Variants in CELF5 observed in about 807,000 individuals in gnomAD.
CELF5 encodes CUGBP Elav-like family member 5.
CELF5 carries 6 observed loss-of-function variants against 54.9 expected under a neutral mutation model. That is an observed-to-expected ratio of 0.11 (90% CI 0.06 to 0.22). The LOEUF is 0.22. Among genes scored for constraint, CELF5 ranks in the 10% least tolerant of loss-of-function variants. The probability of loss-of-function intolerance (pLI) is 1.00; values close to 1 mark genes in which losing one functional copy is unlikely to be tolerated. For missense variants in CELF5, 401 were observed against 678.6 expected (o/e 0.59, Z 4.54); for synonymous variants, 271 against 290.9 (o/e 0.93, Z 0.70).
chr19:3,263,334 G>A (rs1257862469), intron 2 of CELF5, among the ~76,000 whole-genome samples: 1 of 150,538 alleles, frequency 6.6e-6, no homozygotes, highest in Non-Finnish European at 1.5e-5. Context: ...AGGCAGAGGT[G>A]GGATTACCTA....
At position 3,268,455 on chromosome 19, in the gene CELF5, C is replaced by T. The variant is rs866923158; in HGVS notation, c.343-5417C>T. Among the ~76,000 whole-genome samples, 11 of 152,248 alleles carry T rather than the reference C, an allele frequency of 7.2e-5. No homozygotes were observed. Among genetic ancestry groups the T allele is most frequent in the Middle Eastern group, 6.8e-3 (2 of 294 alleles). ...GCACGTCAAGCTGCGAGACTCGGGG[C>T]GTCGTGTCATCTTTCTGGGCCTGTG... is the stretch of plus-strand genomic sequence containing the variant. On this transcript the variant is annotated intron_variant, in intron 2 of 12. Transcript: ENST00000292672. The surrounding 1 kb of genome is among the most constrained non-coding windows in gnomAD (Gnocchi z 4.4).
intron 2 of CELF5, among the ~76,000 whole-genome samples, chr19:3,258,249 C>T (rs892501771): frequency 1.3e-5 from 2 of 151,982 alleles, no homozygotes; most frequent in African/African-American, 4.8e-5. Flanking sequence ...TGAGCCACCA[C>T]GCCCAGCCCT....
chr19:3,241,350 G>T (rs972999361), intron 1 of CELF5, among the ~76,000 whole-genome samples: 1 of 151,382 alleles, frequency 6.6e-6, no homozygotes, highest in African/African-American at 2.4e-5. Flanking sequence ...CAAAGTGCTG[G>T]GATTACAGGT....
chr19:3,270,218 C>G (rs2079938052), intron 2 of CELF5, among the ~76,000 whole-genome samples: 2 of 152,128 alleles, frequency 1.3e-5, no homozygotes, highest in Non-Finnish European at 2.9e-5. Flanking sequence ...TCCTGGAGTT[C>G]CAAAATTGAA....
At chr19:3,257,980 GAC>G (rs1416839126) in intron 2 of CELF5, among the ~76,000 whole-genome samples, 1 of 136,356 alleles carries the variant, frequency 7.3e-6, no homozygotes, top group Non-Finnish European at 1.6e-5. Flanking sequence ...TTTTTTTTTT[GAC>G]AGAGTTTTGC....
intron 1 of CELF5, among the ~76,000 whole-genome samples, chr19:3,250,362 G>A (rs1005058482): frequency 1.3e-5 from 2 of 152,090 alleles, no homozygotes; most frequent in African/African-American, 2.4e-5. Context: ...GGTGGCGGGC[G>A]CCTGTAGTCC....
chr19:3,289,892 G>A (rs188846746), intron 10 of CELF5, among the ~76,000 whole-genome samples: 71 of 152,066 alleles, frequency 4.7e-4, no homozygotes, highest in African/African-American at 1.6e-3. Flanking sequence ...TCTGGAGGGT[G>A]GCCTTCCTCG....
chr19:3,252,253 C>G (rs565172972), intron 2 of CELF5, among the ~76,000 whole-genome samples: 1 of 151,010 alleles, frequency 6.6e-6, no homozygotes, highest in Admixed American at 6.6e-5. Context: ...CCGGGCTGAT[C>G]CTGAACTCCT....
chr19:3,246,442 G>A (rs1218613012), intron 1 of CELF5, among the ~76,000 whole-genome samples: 2 of 151,856 alleles, frequency 1.3e-5, no homozygotes, highest in Non-Finnish European at 2.9e-5. Context: ...AGTGGCTTAT[G>A]CCTATAATCC....
chr19:3,263,602 C>T (rs2079837528), intron 2 of CELF5, among the ~76,000 whole-genome samples: 1 of 150,926 alleles, frequency 6.6e-6, no homozygotes, highest in African/African-American at 2.4e-5. Flanking sequence ...ATTTCTTAAA[C>T]TATTTAAAAG....
At chr19:3,256,198 C>G (rs1231181494) in intron 2 of CELF5, among the ~76,000 whole-genome samples, 1 of 152,124 alleles carries the variant, frequency 6.6e-6, no homozygotes, top group African/African-American at 2.4e-5. Flanking sequence ...GGGTTCCCAC[C>G]CCTAAAGTAT....
At chr19:3,292,143 C>T (rs1241647349) in intron 11 of CELF5, among the ~76,000 whole-genome samples, 1 of 151,858 alleles carries the variant, frequency 6.6e-6, no homozygotes, top group African/African-American at 2.4e-5. Context: ...AATGGGGTTT[C>T]ACCATGTTGG....
At chr19:3,276,842 A>G (rs1327116393) in intron 4 of CELF5, among the ~76,000 whole-genome samples, 3 of 12,488 alleles carry the variant, frequency 2.4e-4, no homozygotes, top group East Asian at 2.3e-3. Flanking sequence ...GCCTGTGAGT[A>G]GGGATGCAGG....
At chr19:3,293,806 G>A (rs2080391604) in intron 12 of CELF5, 1 of 231,132 alleles carries the variant, frequency 4.3e-6, no homozygotes, top group Non-Finnish European at 8.7e-6. Flanking sequence ...GGTTTGCTCT[G>A]GGGGTGGGGG....
chr19:3,244,563 T>C (rs2079536073), intron 1 of CELF5, among the ~76,000 whole-genome samples: 1 of 150,070 alleles, frequency 6.7e-6, no homozygotes, highest in Non-Finnish European at 1.5e-5. Flanking sequence ...GCATTGCGTG[T>C]GATGTGTGTG....
Position 3,224,890 on chromosome 19 carries a change from C to G in CELF5, c.151C>G (p.Gln51Glu). ...GGACGCCATCAAACTCTTCGTGGGC[C>G]AGATCCCGCGGCACCTGGACGAGAA... ...DLDAIKLFVG[Q>E]IPRHLDEKDL... Residue 51 changes from glutamine to glutamate, a missense_variant, in exon 1 of 13, where the codon CAG becomes GAG. By Grantham distance (29) the Gln-to-Glu change is conservative. Transcript: ENST00000292672. 6.2e-7 allele frequency: 1 copy of G among 1,609,164 alleles called. No homozygotes were observed. The highest frequency in any genetic ancestry group is 8.5e-7 in the Non-Finnish European group (1 of 1,178,316).
intron 2 of CELF5, among the ~76,000 whole-genome samples, chr19:3,267,621 G>C (rs1599444759): frequency 6.6e-6 from 1 of 152,214 alleles, no homozygotes; most frequent in Non-Finnish European, 1.5e-5. Context: ...GGACCTTTGG[G>C]ACTTTGCTGT....
At chr19:3,225,111 T>A in intron 1 of CELF5, 113 bp downstream of exon 1, 1 of 609,980 alleles carries the variant, frequency 1.6e-6, no homozygotes, top group Non-Finnish European at 2.6e-6. Context: ...CTCCTCTGCC[T>A]GCCTCTGCCG....
chr19:3,259,593 C>A (rs921858265), intron 2 of CELF5, among the ~76,000 whole-genome samples: 2 of 152,150 alleles, frequency 1.3e-5, no homozygotes, highest in African/African-American at 4.8e-5. Context: ...TCTCCCTCCC[C>A]ACTCAGGGTG....
Sources: gnomAD v4.1 joint callset for allele counts (sites outside exome capture counted in the v4.1 genomes callset) on GRCh38, gnomAD v4.1.1 for gene constraint, Gnocchi (gnomAD v3.1) non-coding constraint, MANE v1.5 for transcripts, NCBI Gene and HGNC (gene_info 2026-07-23, HGNC 2026-07-21) for gene names.